ECE2: variants seen among roughly 807,000 people sequenced by gnomAD.
The protein encoded by ECE2 is endothelin-converting enzyme 2.
In ECE2, 81 loss-of-function variants were observed where a neutral mutation model predicts 100.6. The ratio of observed to expected loss-of-function variants is 0.81; its 90% CI spans 0.67 to 0.97. The LOEUF is 0.97. Ranked by LOEUF, ECE2 falls within the 50% of genes least tolerant of loss-of-function variation. The probability of loss-of-function intolerance (pLI) is 0.00; values close to 1 mark genes in which losing one functional copy is unlikely to be tolerated. For synonymous variants in ECE2, 391 were observed against 391.5 expected (o/e 1.00, Z 0.02); for missense variants, 911 against 988.1 (o/e 0.92, Z 1.05).
chr3:184,276,781 G>T, intron 2 of ECE2, 111 bp from the exon 3 acceptor site: 1 of 1,564,016 alleles, frequency 6.4e-7, no homozygotes, highest in Non-Finnish European at 8.7e-7. Flanking sequence ...CATTGCCCCC[G>T]GGCCCAGAGT....
Position 184,277,456 on chromosome 3 carries a change from G to C in ECE2, c.468G>C (p.Lys156Asn). Residue 156 changes from lysine to asparagine, a missense_variant, in exon 4 of 19, where the codon AAG becomes AAC. Lys to Asn is a moderately conservative substitution (Grantham distance 94, BLOSUM62 0). Coordinates refer to ENST00000404464, the MANE Select transcript of ECE2 (RefSeq NM_001100121.2). ...SLWDQNQAIL[K>N]HLLENTTFNS... ...GGGACCAAAACCAGGCCATACTGAA[G>C]CACCTGCTTGGTGAGTGGGGCTGTT... The C allele has an allele frequency of 6.2e-7, 1 of 1,614,100 alleles. No individual in the cohort carries two copies. The highest frequency in any genetic ancestry group is 8.5e-7 in the Non-Finnish European group (1 of 1,179,972).
At chr3:184,279,673 G>T (rs1016649710) in intron 7 of ECE2, among the ~76,000 whole-genome samples, 1 of 114,820 alleles carries the variant, frequency 8.7e-6, no homozygotes, top group Non-Finnish European at 1.9e-5. Context: ...AAAAAAAAAA[G>T]TGTTGACGAG....
chr3:184,277,436 C>G lies in ECE2; in HGVS notation c.448C>G (p.Gln150Glu), dbSNP rs763951338. 6.2e-7 allele frequency: 1 copy of G among 1,614,234 alleles called. No individual in the cohort carries two copies. ...RWNTFNSLWD[Q>E]NQAILKHLLE... is the part of the protein sequence containing the mutation. Reference sequence around the variant, plus strand: ...GAACACCTTCAACAGCCTCTGGGACCAAAACCAGGCCATACTGAAGCACCT... The same window carrying G: ...GAACACCTTCAACAGCCTCTGGGACGAAAACCAGGCCATACTGAAGCACCT... Residue 150 changes from glutamine (Q) to glutamate (E), a missense_variant, in exon 4 of 19, where the codon CAA (glutamine) becomes GAA (glutamate). Coordinates refer to ENST00000404464, the MANE Select transcript of ECE2 (RefSeq NM_001100121.2).
In ECE2 at chr3:184,290,350, C is replaced by A. The variant is rs1168909604; in HGVS notation, c.1647C>A (p.Ser549Arg). The A allele has an allele frequency of 3.1e-6, 5 of 1,613,930 alleles. No individual in the cohort carries two copies. The highest frequency in any genetic ancestry group is 4.2e-6 in the Non-Finnish European group (5 of 1,179,864). The stretch of plus-strand genomic sequence containing the variant: ...CTGACCAGCTCCGCAAGCCTCCCAG[C>A]CGAGACCAGTGAGAATGACGGGGTG... ...VMADQLRKPP[S>R]RDQWSMTPQT... The change falls in exon 14 of 19, where the codon AGC (serine) becomes AGA (arginine). Residue 549 changes from serine (S) to arginine (R), a missense_variant. Transcript: ENST00000404464.
At chr3:184,277,721 C>T (rs954836980) in intron 4 of ECE2, among the ~76,000 whole-genome samples, 3 of 152,186 alleles carry the variant, frequency 2.0e-5, no homozygotes, top group African/African-American at 7.2e-5. Flanking sequence ...TGGTAGACAC[C>T]AGGGAGCCTG....
Position 184,285,104 on chromosome 3 carries a change from AGGTGTGGGGGTAGCCCAG to A in ECE2, c.1148+4_1148+21del. The A allele has an allele frequency of 6.2e-7, 1 of 1,613,620 alleles. No homozygotes were observed. Among genetic ancestry groups the A allele is most frequent in the Non-Finnish European group, 8.5e-7 (1 of 1,179,734 alleles). On this transcript the variant is annotated splice_donor_variant and splice_donor_5th_base_variant and coding_sequence_variant and intron_variant, in exon 9 of 19. Transcript: ENST00000404464. LOFTEE classifies it high-confidence loss of function. ...AGAGCTCATCAACCGCACGGAACCA[AGGTGTGGGGGTAGCCCAG>A]GGTGAGGGTGGGTTCTGTGGAGGTC... is the stretch of plus-strand genomic sequence containing the variant.
chr3:184,292,412 C>T lies in ECE2; in HGVS notation c.*174C>T. 1.4e-6 allele frequency: 1 copy of T among 712,152 alleles called. No individual in the cohort carries two copies. The allele number at this position is 712,152 out of a possible 1,614,324, so 44.1% of individuals were successfully genotyped here. ...CCTCAATCACCACATTGTGCCTCTGCTTTGGGGGTGCCCCTGCCTCCAGCA... is the reference window on the plus strand; with the variant it reads ...CCTCAATCACCACATTGTGCCTCTGTTTTGGGGGTGCCCCTGCCTCCAGCA... On this transcript the variant is annotated 3_prime_UTR_variant, in exon 19 of 19. Coordinates refer to ENST00000404464, the MANE Select transcript of ECE2 (RefSeq NM_001100121.2).
chr3:184,276,815 C>T, intron 2 of ECE2, 77 bp from the exon 3 acceptor site: 2 of 1,589,294 alleles, frequency 1.3e-6, no homozygotes, highest in South Asian at 1.1e-5. Flanking sequence ...CTGAAAACTG[C>T]CTGTGGCTTC....
chr3:184,288,328 A>G (rs908394624), intron 11 of ECE2, among the ~76,000 whole-genome samples: 31 of 149,400 alleles, frequency 2.1e-4, no homozygotes, highest in Non-Finnish European at 1.5e-5. Flanking sequence ...AAAAAAAAAA[A>G]AAAGAAAAGA....
intron 7 of ECE2, among the ~76,000 whole-genome samples, chr3:184,282,657 G>A (rs1327875025): frequency 1.3e-5 from 2 of 152,198 alleles, no homozygotes; most frequent in Non-Finnish European, 2.9e-5. Context: ...TACTGGACCC[G>A]AGCAGGGCCA....
chr3:184,288,331 A>G (rs1721161000), intron 11 of ECE2, among the ~76,000 whole-genome samples: 2 of 142,736 alleles, frequency 1.4e-5, no homozygotes, highest in African/African-American at 2.6e-5. Flanking sequence ...AAAAAAAAAA[A>G]GAAAAGAAAA....
At position 184,283,881 on chromosome 3, in the gene ECE2, T is replaced by C. The variant is rs377490737; in HGVS notation, c.913T>C (p.Leu305=). Residue 305 remains leucine (L), a synonymous_variant, in exon 8 of 19, where the codon TTG becomes CTG. Coordinates refer to ENST00000404464, the MANE Select transcript of ECE2 (RefSeq NM_001100121.2). ...GGAGCAGATGCAGCAGGTGCTGGAG[T>C]TGGAGATACAGCTGGCCAACATCAC... ...TREQMQQVLE[L]EIQLANITVP... 4 of 1,613,214 alleles carry C rather than the reference T, an allele frequency of 2.5e-6. No individual in the cohort carries two copies. The South Asian group carries it at 3.3e-5, about 13-fold the overall frequency.
At chr3:184,284,672 G>A (rs1403562469) in intron 8 of ECE2, among the ~76,000 whole-genome samples, 1 of 152,212 alleles carries the variant, frequency 6.6e-6, no homozygotes, top group African/African-American at 2.4e-5. Context: ...GGAGAAGCCA[G>A]TACGTGCAGG....
At position 184,285,031 on chromosome 3, in the gene ECE2, C is replaced by G; in HGVS notation, c.1074C>G (p.Asp358Glu). ...TGCTGTCACCATTGGAGTTGAGTGA[C>G]TCTGAGCCTGTGGTGGTGTATGGGA... The part of the protein sequence containing the change: ...SFLLSPLELS[D>E]SEPVVVYGMD... Residue 358 changes from aspartate to glutamate, a missense_variant, in exon 9 of 19, where the codon GAC becomes GAG. Physicochemically the swap from Asp to Glu is conservative, Grantham distance 45 (BLOSUM62 2). Transcript: ENST00000404464. 6.2e-7 allele frequency: 1 copy of G among 1,614,136 alleles called. No homozygotes were observed.
intron 11 of ECE2, 109 bp downstream of exon 11, chr3:184,288,056 A>G: frequency 1.0e-6 from 1 of 986,528 alleles, no homozygotes; most frequent in Non-Finnish European, 1.5e-6. Context: ...CACGCCGGTA[A>G]TCCCAGCACT....
At chr3:184,288,251 A>G (rs1721150744) in intron 11 of ECE2, among the ~76,000 whole-genome samples, 1 of 143,914 alleles carries the variant, frequency 6.9e-6, no homozygotes, top group African/African-American at 2.6e-5. Flanking sequence ...CGGAGGTTGC[A>G]GTGAGCCGAG....
At position 184,293,002 on chromosome 3, in the gene ECE2, C is replaced by A. The variant is rs1384473829; in HGVS notation, c.*764C>A. 6.6e-6 allele frequency: 1 copy of A among 152,236 alleles called. No individual in the cohort carries two copies. The highest frequency in any genetic ancestry group is 1.9e-4 in the East Asian group (1 of 5,196). 9.4% of individuals were successfully genotyped at this position (152,236 alleles called of 1,614,324 possible). A position where few individuals can be genotyped will look rare whatever the true frequency, so the allele number is the denominator to read the frequency against. On this transcript the variant is annotated 3_prime_UTR_variant, in exon 19 of 19. Coordinates refer to ENST00000404464, the MANE Select transcript of ECE2 (RefSeq NM_001100121.2). ...GTGTGGTCTTGGCCCTTATAGGACC[C>A]TGTGCCAATAAACAGACATGCATCC...
chr3:184,289,916 C>T lies in ECE2; in HGVS notation c.1551+198C>T, dbSNP rs1054254135. Among the ~76,000 whole-genome samples, 3 of 152,116 alleles carry T rather than the reference C, an allele frequency of 2.0e-5. No homozygotes were observed. The highest frequency in any genetic ancestry group is 2.9e-5 in the Non-Finnish European group (2 of 68,024). On this transcript the variant is annotated intron_variant, in intron 13 of 18. Coordinates refer to ENST00000404464, the MANE Select transcript of ECE2 (RefSeq NM_001100121.2). The surrounding 1 kb of genome is among the most constrained non-coding windows in gnomAD (Gnocchi z 4.1). ...AAACAGCAGTGAAATATAGTGCTAACGAGCCAAGATTTGGAGTCAAGCCTA... is the reference window on the plus strand; with the variant it reads ...AAACAGCAGTGAAATATAGTGCTAATGAGCCAAGATTTGGAGTCAAGCCTA...
rs906301033 is a variant in ECE2, at chr3:184,285,112, G to T, written c.1148+7G>T. 3 of 1,612,466 alleles carry T rather than the reference G, an allele frequency of 1.9e-6. No homozygotes were observed. The African/African-American group carries it at 4.0e-5, about 22-fold the overall frequency. On this transcript the variant is annotated splice_region_variant and intron_variant, in intron 9 of 18. Transcript: ENST00000404464. ...TCAACCGCACGGAACCAAGGTGTGG[G>T]GGTAGCCCAGGGTGAGGGTGGGTTC...
Sources: allele counts gnomAD v4.1 joint callset (sites outside exome capture counted in the v4.1 genomes callset), GRCh38; gene constraint gnomAD v4.1.1; non-coding constraint Gnocchi (gnomAD v3.1); transcripts MANE v1.5; gene names NCBI Gene and HGNC (gene_info 2026-07-23, HGNC 2026-07-21).